The following HIVEP3 variants were observed in gnomAD, a reference collection of about 807,000 sequenced individuals.
HIVEP3 encodes transcription factor HIVEP3.
Under a neutral mutation model 152.8 loss-of-function variants are expected in HIVEP3, and 49 were observed. The observed-to-expected ratio is 0.32, with a 90% CI of 0.26 to 0.41. HIVEP3 has a LOEUF of 0.41. Ranked by LOEUF, HIVEP3 falls within the 10% of genes least tolerant of loss-of-function variation. HIVEP3 has a pLI of 1.00. For synonymous variants in HIVEP3, 1,269 were observed against 1,289.0 expected, an observed-to-expected ratio of 0.98 and a Z score of 0.33; for missense variants, 2,790 against 3,103.3, an observed-to-expected ratio of 0.90 and a Z score of 2.40.
At chr1:41,897,538 G>C (rs1467723053) in intron 1 of HIVEP3, among the ~76,000 whole-genome samples, 1 of 152,172 alleles carries the variant, frequency 6.6e-6, no homozygotes, top group Non-Finnish European at 1.5e-5. Context: ...CTGGTGCCTT[G>C]ACCTTGGACT....
intron 1 of HIVEP3, among the ~76,000 whole-genome samples, chr1:41,818,704 A>C (rs1642490268): frequency 6.6e-6 from 1 of 152,210 alleles, no homozygotes; most frequent in African/African-American, 2.4e-5. Context: ...ATTCCCGTCT[A>C]TAGGAGGAAA....
At chr1:41,702,071 A>G (rs184097154) in intron 1 of HIVEP3, among the ~76,000 whole-genome samples, 62 of 152,262 alleles carry the variant, frequency 4.1e-4, no homozygotes, top group Non-Finnish European at 1.2e-4. Context: ...TAAGATGGAG[A>G]TGTAATCCTG....
At chr1:41,738,449 G>A (rs975136586) in intron 1 of HIVEP3, among the ~76,000 whole-genome samples, 1 of 152,096 alleles carries the variant, frequency 6.6e-6, no homozygotes, top group Non-Finnish European at 1.5e-5. Context: ...AGTAAGTTCT[G>A]ATACATGCTA....
chr1:41,648,141 C>T (rs1645489177), intron 2 of HIVEP3, among the ~76,000 whole-genome samples: 1 of 152,342 alleles, frequency 6.6e-6, no homozygotes, highest in South Asian at 2.1e-4. Flanking sequence ...AATATATAGA[C>T]CAACGAATGC....
At chr1:41,909,918 C>A (rs980837000) in intron 1 of HIVEP3, among the ~76,000 whole-genome samples, 2 of 151,886 alleles carry the variant, frequency 1.3e-5, no homozygotes, top group Non-Finnish European at 2.9e-5. Flanking sequence ...AAATTATATA[C>A]AAATATTACA....
chr1:41,741,067 A>G (rs1390889365), intron 1 of HIVEP3, among the ~76,000 whole-genome samples: 1 of 152,210 alleles, frequency 6.6e-6, no homozygotes, highest in Admixed American at 6.5e-5. Flanking sequence ...CACATGTGGT[A>G]TCTTGTCTAA....
At chr1:41,801,175 G>C (rs538367766) in intron 1 of HIVEP3, among the ~76,000 whole-genome samples, 11 of 152,194 alleles carry the variant, frequency 7.2e-5, no homozygotes, top group Non-Finnish European at 1.3e-4. Flanking sequence ...TCTGTGCTGA[G>C]CCTGGAAGGA....
intron 2 of HIVEP3, among the ~76,000 whole-genome samples, chr1:41,636,990 CT>C (rs1171588042): frequency 6.6e-6 from 1 of 151,158 alleles, no homozygotes; most frequent in Non-Finnish European, 1.5e-5. Context: ...TCGGTATCAC[CT>C]TTTCCCATTT....
intron 1 of HIVEP3, among the ~76,000 whole-genome samples, chr1:41,953,015 C>T (rs1319399150): frequency 6.6e-6 from 1 of 152,110 alleles, no homozygotes; most frequent in African/African-American, 2.4e-5. Context: ...TTCTCTAGTC[C>T]CCTGCCTGTC....
At chr1:41,610,220 C>T (rs1370870307) in intron 3 of HIVEP3, among the ~76,000 whole-genome samples, 2 of 152,208 alleles carry the variant, frequency 1.3e-5, no homozygotes, top group African/African-American at 4.8e-5. Context: ...CTGGAGAACC[C>T]TAATACACAA....
chr1:41,995,421 T>C (rs1477734836), intron 1 of HIVEP3, among the ~76,000 whole-genome samples: 3 of 152,144 alleles, frequency 2.0e-5, no homozygotes. Flanking sequence ...AAAGCATCTT[T>C]CAAAAATGAG....
At chr1:41,953,534 C>T (rs116630457) in intron 1 of HIVEP3, among the ~76,000 whole-genome samples, 1,701 of 152,312 alleles carry the variant, frequency 0.011, 14 homozygotes, top group Non-Finnish European at 0.014. Flanking sequence ...TCTGCCTCTT[C>T]CCTCCTAGAC....
intron 2 of HIVEP3, among the ~76,000 whole-genome samples, chr1:41,685,725 A>G (rs1646104317): frequency 6.6e-6 from 1 of 152,154 alleles, no homozygotes; most frequent in Non-Finnish European, 1.5e-5. Flanking sequence ...ACTTGAACTT[A>G]TTTGTTTTCT....
intron 1 of HIVEP3, among the ~76,000 whole-genome samples, chr1:41,718,435 G>A (rs145393012): frequency 1.2e-3 from 177 of 152,336 alleles, no homozygotes; most frequent in African/African-American, 4.1e-3. Flanking sequence ...GATAATCTAC[G>A]TAAAGTGCTT....
At chr1:41,616,655 G>A (rs1348605793) in intron 3 of HIVEP3, among the ~76,000 whole-genome samples, 1 of 119,742 alleles carries the variant, frequency 8.4e-6, no homozygotes, top group Non-Finnish European at 1.6e-5. Context: ...GTCTCACTAT[G>A]TTGCCCAGGC....
At position 41,918,110 on chromosome 1, in the gene HIVEP3, G is replaced by A. The variant is rs1644901028; in HGVS notation, c.-801+303C>T. 1.4e-5 allele frequency among the ~76,000 whole-genome samples: 2 copies of A among 146,292 alleles called. No homozygotes were observed. Among genetic ancestry groups the A allele is most frequent in the African/African-American group, 4.9e-5 (2 of 40,894 alleles). On this transcript the variant is annotated intron_variant, in intron 1 of 8. Coordinates refer to ENST00000372583, the MANE Select transcript of HIVEP3 (RefSeq NM_024503.5). The surrounding 1 kb of genome is among the most constrained non-coding windows in gnomAD (Gnocchi z 4.3). ...ACGGCGCGCATAGGGTTACAGCCCC[G>A]CCGCCGCCGCCGCCGCCGCCGCCTG...
chr1:41,571,150 T>G (rs1471181249), intron 5 of HIVEP3, among the ~76,000 whole-genome samples: 1 of 152,112 alleles, frequency 6.6e-6, no homozygotes, highest in Non-Finnish European at 1.5e-5. Context: ...TCTGAACTTA[T>G]CATTCCCTTC....
At chr1:41,913,558 A>C (rs985189029) in intron 1 of HIVEP3, among the ~76,000 whole-genome samples, 1 of 152,098 alleles carries the variant, frequency 6.6e-6, no homozygotes, top group Non-Finnish European at 1.5e-5. Context: ...CACCATGTCC[A>C]TAATTTTATT....
intron 8 of HIVEP3, 65 bp downstream of exon 8, chr1:41,512,749 GGT>G: frequency 7.9e-7 from 1 of 1,272,324 alleles, no homozygotes; most frequent in African/African-American, 1.5e-5. Context: ...TACCCAGGAG[GGT>G]GTGAACTTGC....
Sources: gnomAD v4.1 joint callset for allele counts (sites outside exome capture counted in the v4.1 genomes callset) on GRCh38, gnomAD v4.1.1 for gene constraint, Gnocchi (gnomAD v3.1) non-coding constraint, MANE v1.5 for transcripts, NCBI Gene and HGNC (gene_info 2026-07-23, HGNC 2026-07-21) for gene names.